MID1: variants seen among roughly 807,000 people sequenced by gnomAD.
MID1 encodes the protein E3 ubiquitin-protein ligase Midline-1.
A neutral mutation model predicts 40.4 loss-of-function variants in MID1; 7 were observed. That is an observed-to-expected ratio of 0.17 (90% CI 0.10 to 0.33). The LOEUF is 0.33. Among genes scored for constraint, MID1 ranks in the 10% least tolerant of loss-of-function variants. The pLI, the probability that MID1 is intolerant of heterozygous loss-of-function variation, is 1.00. For missense variants in MID1, 367 were observed against 558.5 expected (o/e 0.66, Z 3.46); for synonymous variants, 229 against 221.2 (o/e 1.04, Z -0.31).
At chrX:10,768,167 C>T (rs1026723325) in intron 1 of MID1, among the ~76,000 whole-genome samples, 2 of 110,746 alleles carry the variant, frequency 1.8e-5, no homozygotes, top group Non-Finnish European at 3.8e-5. Flanking sequence ...ATAAAAGATA[C>T]TGGTATTATT....
At chrX:10,465,208 TATATATAC>T (rs1929284003) in intron 7 of MID1, among the ~76,000 whole-genome samples, 1 of 65,110 alleles carries the variant, frequency 1.5e-5, no homozygotes. Context: ...TATATATATA[TATATATAC>T]ACACACACAC....
intron 1 of MID1, among the ~76,000 whole-genome samples, chrX:10,718,884 A>T (rs1160795036): frequency 1.1e-4 from 12 of 111,786 alleles, no homozygotes; most frequent in East Asian, 5.6e-4. Flanking sequence ...GATGCAAGGC[A>T]GGTTCAACAT....
At chrX:10,540,021 T>C (rs1933407904) in intron 2 of MID1, among the ~76,000 whole-genome samples, 1 of 112,172 alleles carries the variant, frequency 8.9e-6, no homozygotes, top group African/African-American at 3.2e-5. Flanking sequence ...GCCAACATGG[T>C]GAAACCCCAT....
chrX:10,535,268 G>A lies in MID1; in HGVS notation c.661-12081C>T, dbSNP rs759973068. 2.0e-3 allele frequency among the ~76,000 whole-genome samples: 221 copies of A among 111,886 alleles called. 2 individuals are homozygous for A. Among genetic ancestry groups the A allele is most frequent in the Middle Eastern group, 0.014 (3 of 219 alleles). Reference sequence around the variant, plus strand: ...GAGATTCCAATGTGCATCCAAGTTCGAGAACCATTGCTCAAAATGGAGAAA... The same window carrying A: ...GAGATTCCAATGTGCATCCAAGTTCAAGAACCATTGCTCAAAATGGAGAAA... On this transcript the variant is annotated intron_variant, in intron 2 of 9. Coordinates refer to ENST00000317552, the MANE Select transcript of MID1 (RefSeq NM_000381.4).
At chrX:10,682,895 G>A (rs1293123428) in intron 1 of MID1, among the ~76,000 whole-genome samples, 1 of 111,793 alleles carries the variant, frequency 8.9e-6, no homozygotes, top group African/African-American at 3.3e-5. Context: ...TCTGGTAAGA[G>A]AGCAATCCAC....
intron 1 of MID1, among the ~76,000 whole-genome samples, chrX:10,723,883 G>T (rs2147098208): frequency 8.9e-6 from 1 of 112,416 alleles, no homozygotes; most frequent in East Asian, 2.8e-4. Flanking sequence ...TGGATCCGCA[G>T]CCGAAATATT....
At chrX:10,613,730 TATAGAGAGAGAG>T (rs1389512414) in intron 1 of MID1, among the ~76,000 whole-genome samples, 20 of 30,660 alleles carry the variant, frequency 6.5e-4, no homozygotes, top group Non-Finnish European at 9.9e-4. Flanking sequence ...TATATATATA[TATAGAGAGAGAG>T]AGAGAGAGAG....
chrX:10,564,727 ACT>A (rs1461246942), intron 2 of MID1, among the ~76,000 whole-genome samples: 3 of 111,304 alleles, frequency 2.7e-5, no homozygotes, highest in East Asian at 5.6e-4. Context: ...ATATTTAATA[ACT>A]CTGCTGTGAC....
chrX:10,591,189 T>C (rs1230084150), intron 1 of MID1, among the ~76,000 whole-genome samples: 2 of 112,578 alleles, frequency 1.8e-5, no homozygotes, highest in Admixed American at 9.4e-5. Context: ...ATTTTGACTA[T>C]AAATATGAAT....
intron 3 of MID1, among the ~76,000 whole-genome samples, chrX:10,515,284 C>G (rs1269121382): frequency 3.6e-5 from 4 of 112,282 alleles, no homozygotes; most frequent in Admixed American, 9.5e-5. Flanking sequence ...TCTACAGACT[C>G]CCATCTGTTT....
At chrX:10,650,743 T>A (rs1936308571) in intron 1 of MID1, among the ~76,000 whole-genome samples, 1 of 111,891 alleles carries the variant, frequency 8.9e-6, no homozygotes, top group Non-Finnish European at 1.9e-5. Context: ...AGTCTGTGAT[T>A]GTCCCCCTGC....
At chrX:10,822,237 C>T (rs1205730109) in intron 1 of MID1, among the ~76,000 whole-genome samples, 2 of 111,133 alleles carry the variant, frequency 1.8e-5, no homozygotes, top group Non-Finnish European at 3.8e-5. Context: ...ACAAACAATG[C>T]GGAAAGGATT....
intron 1 of MID1, among the ~76,000 whole-genome samples, chrX:10,592,267 ACT>A (rs1414499500): frequency 6.5e-4 from 33 of 50,916 alleles, no homozygotes; most frequent in Admixed American, 1.0e-3. Flanking sequence ...CTGCTTAGGG[ACT>A]GCGTTAAAAA....
intron 1 of MID1, among the ~76,000 whole-genome samples, chrX:10,719,779 G>A (rs2043335163): frequency 9.0e-6 from 1 of 111,092 alleles, no homozygotes; most frequent in Non-Finnish European, 1.9e-5. Context: ...GAGGCATCAT[G>A]CTACCTGACT....
chrX:10,728,241 G>C (rs779773307), intron 1 of MID1, among the ~76,000 whole-genome samples: 1 of 111,115 alleles, frequency 9.0e-6, no homozygotes, highest in Non-Finnish European at 1.9e-5. Flanking sequence ...CAAGAGTTTA[G>C]GCAGAAAGAT....
intron 1 of MID1, among the ~76,000 whole-genome samples, chrX:10,619,467 T>C (rs898816836): frequency 5.3e-5 from 6 of 112,891 alleles, no homozygotes; most frequent in Non-Finnish European, 9.4e-5. Context: ...TCTTGATATT[T>C]AAATATTGAC....
chrX:10,573,912 T>C (rs1218987404), intron 1 of MID1, among the ~76,000 whole-genome samples: 1 of 111,505 alleles, frequency 9.0e-6, no homozygotes. Flanking sequence ...CTTCCCTCAT[T>C]AGCCTGTCTT....
At chrX:10,747,373 T>G (rs1052099320) in intron 1 of MID1, among the ~76,000 whole-genome samples, 1 of 112,216 alleles carries the variant, frequency 8.9e-6, no homozygotes, top group Admixed American at 9.5e-5. Flanking sequence ...TATTTGTGAA[T>G]TTCAAGGGAG....
intron 5 of MID1, among the ~76,000 whole-genome samples, chrX:10,479,930 C>A (rs1930224360): frequency 8.9e-6 from 1 of 111,733 alleles, no homozygotes; most frequent in South Asian, 3.8e-4. Flanking sequence ...TGTTCCTGAA[C>A]CCAATTTTCT....
Sources: gnomAD v4.1 joint callset for allele counts (sites outside exome capture counted in the v4.1 genomes callset) on GRCh38, gnomAD v4.1.1 for gene constraint, MANE v1.5 for transcripts, NCBI Gene and HGNC (gene_info 2026-07-23, HGNC 2026-07-21) for gene names.